Variants in SORL1-AS1 observed in about 807,000 individuals in gnomAD.
SORL1-AS1 encodes lncRNA 51 A.
chr11:121,441,690 T>G, the SORL1-AS1 span, among the ~76,000 whole-genome samples: 1 of 152,054 alleles, frequency 6.6e-6, no homozygotes, highest in East Asian at 1.9e-4. Context: ...GGCTTGAGGA[T>G]GTTCTGGTGA....
downstream of SORL1-AS1, among the ~76,000 whole-genome samples, chr11:121,444,324 G>A (rs1283051383): frequency 6.6e-6 from 1 of 152,156 alleles, no homozygotes; most frequent in African/African-American, 2.4e-5. Flanking sequence ...AGCTAAACAA[G>A]TTTTATGTGC....
At position 121,450,993 on chromosome 11, in the gene SORL1-AS1, A is replaced by G. The variant is rs573617188; in HGVS notation, n.340-1094T>C. On this transcript the variant is annotated intron_variant and non_coding_transcript_variant, in intron 1 of 1. Transcript: ENST00000501964. The surrounding 1 kb of genome is among the most constrained non-coding windows in gnomAD (Gnocchi z 5.2). Reference sequence around the variant, plus strand: ...TTTGCTAAGCTACCTGAAAAGTACTAGAGTGGGCCGGGGTAGGAATCGGGC... The same window carrying G: ...TTTGCTAAGCTACCTGAAAAGTACTGGAGTGGGCCGGGGTAGGAATCGGGC... 8.5e-5 allele frequency among the ~76,000 whole-genome samples: 13 copies of G among 152,244 alleles called. No individual in the cohort carries two copies. The South Asian group carries it at 2.5e-3, about 29-fold the overall frequency.
chr11:121,441,606 A>G, the SORL1-AS1 span, among the ~76,000 whole-genome samples: 1 of 151,822 alleles, frequency 6.6e-6, no homozygotes, highest in Non-Finnish European at 1.5e-5. Flanking sequence ...TATGAGACTA[A>G]GTTCTGGCAA....
At chr11:121,445,440 G>A (rs759249411), downstream of SORL1-AS1, among the ~76,000 whole-genome samples, 5 of 152,134 alleles carry the variant, frequency 3.3e-5, no homozygotes, top group African/African-American at 7.2e-5. Context: ...TGAAAGGGAC[G>A]AGCTGGGCGC....
intron 1 of SORL1-AS1, among the ~76,000 whole-genome samples, chr11:121,451,182 G>A (rs1043096712): frequency 6.6e-6 from 1 of 152,124 alleles, no homozygotes; most frequent in African/African-American, 2.4e-5. Context: ...AGTTCAGAGG[G>A]CAGTGAAACA....
chr11:121,447,134 G>A (rs1298667395), downstream of SORL1-AS1, among the ~76,000 whole-genome samples: 4 of 152,220 alleles, frequency 2.6e-5, no homozygotes, highest in Non-Finnish European at 4.4e-5. Context: ...GCAACCCATT[G>A]TCTTATGTCA....
In SORL1-AS1 at chr11:121,452,496, G is replaced by A; in HGVS notation, n.339+179C>T. The A allele has an allele frequency of 2.0e-6, 3 of 1,481,576 alleles. No individual in the cohort carries two copies. The highest frequency in any genetic ancestry group is 2.7e-6 in the Non-Finnish European group (3 of 1,118,802). 91.8% of individuals were successfully genotyped at this position (1,481,576 alleles called of 1,614,324 possible). On this transcript the variant is annotated intron_variant and non_coding_transcript_variant, in intron 1 of 1. Transcript: ENST00000501964. This position sits in a 1 kb window ranked among gnomAD's most constrained non-coding sequence, Gnocchi z 5.3. ...GCTTCCTCGTGGTGCAGGGCGACCC[G>A]CGCGAGCTGCGGCTGTGGGCGCGCG...
downstream of SORL1-AS1, among the ~76,000 whole-genome samples, chr11:121,446,916 C>G (rs560470470): frequency 5.9e-5 from 9 of 152,286 alleles, no homozygotes; most frequent in East Asian, 1.7e-3. Flanking sequence ...TGGTCACATC[C>G]CCAGGCTCGT....
chr11:121,445,691 T>C (rs543385188), downstream of SORL1-AS1, among the ~76,000 whole-genome samples: 7 of 152,010 alleles, frequency 4.6e-5, 1 homozygote, highest in Admixed American at 3.9e-4. Context: ...CACACACACC[T>C]GAAACCACAG....
In SORL1-AS1 at chr11:121,452,210, C is replaced by T. The variant is rs990473491; in HGVS notation, n.339+465G>A. On this transcript the variant is annotated intron_variant and non_coding_transcript_variant, in intron 1 of 1. Coordinates refer to ENST00000501964, the Ensembl canonical transcript of SORL1-AS1. This position sits in a 1 kb window ranked among gnomAD's most constrained non-coding sequence, Gnocchi z 5.3. ...GCGGGCGCAGCGGGGCGGCCCGGAG[C>T]GGCGCGGGCGGCCTGGAGCCCCGGG... 6.9e-5 allele frequency: 40 copies of T among 580,860 alleles called. No homozygotes were observed. The African/African-American group carries it at 7.9e-4, about 11-fold the overall frequency. 36.0% of individuals were successfully genotyped at this position (580,860 alleles called of 1,614,324 possible).
At chr11:121,442,327 A>G in the SORL1-AS1 span, among the ~76,000 whole-genome samples, 3 of 152,200 alleles carry the variant, frequency 2.0e-5, no homozygotes, top group East Asian at 5.8e-4. Flanking sequence ...GGACACAGGA[A>G]GAGCTAGGGA....
At chr11:121,446,818 C>T (rs1267325893), downstream of SORL1-AS1, among the ~76,000 whole-genome samples, 2 of 151,682 alleles carry the variant, frequency 1.3e-5, no homozygotes, top group African/African-American at 2.4e-5. Flanking sequence ...TGACTGTCTG[C>T]TTTCCCTGTC....
chr11:121,445,725 G>C (rs761241051), downstream of SORL1-AS1, among the ~76,000 whole-genome samples: 8 of 151,754 alleles, frequency 5.3e-5, no homozygotes, highest in Non-Finnish European at 1.0e-4. Context: ...ATTCTCCAGA[G>C]AGTTTGCCTA....
At chr11:121,451,942 G>A (rs142534921) in intron 1 of SORL1-AS1, among the ~76,000 whole-genome samples, 41 of 152,262 alleles carry the variant, frequency 2.7e-4, no homozygotes, top group African/African-American at 8.2e-4. Context: ...ACTAACTCCA[G>A]AGAAAACGAG....
At chr11:121,445,125 CT>C (rs1390005841), downstream of SORL1-AS1, among the ~76,000 whole-genome samples, 1 of 152,186 alleles carries the variant, frequency 6.6e-6, no homozygotes, top group East Asian at 1.9e-4. Context: ...ATTAAAAGCA[CT>C]TGCAGTTTTG....
chr11:121,450,576 C>G lies in SORL1-AS1; in HGVS notation n.340-677G>C, dbSNP rs139912513. Among the ~76,000 whole-genome samples the G allele has an allele frequency of 5.9e-3, 893 of 152,270 alleles. 9 individuals are homozygous for G. The highest frequency in any genetic ancestry group is 0.021 in the African/African-American group (853 of 41,546). ...GCTCTGGGTTGTAAACAAGCTACCA[C>G]TTCCTCAATCCCTCTGAAATAACAT... On this transcript the variant is annotated intron_variant and non_coding_transcript_variant, in intron 1 of 1. Coordinates refer to ENST00000501964, the Ensembl canonical transcript of SORL1-AS1. The surrounding 1 kb of genome is among the most constrained non-coding windows in gnomAD (Gnocchi z 5.2).
chr11:121,438,776 C>T, the SORL1-AS1 span, among the ~76,000 whole-genome samples: 1 of 152,164 alleles, frequency 6.6e-6, no homozygotes, highest in African/African-American at 2.4e-5. Flanking sequence ...GCCTGTAATC[C>T]CAGCACTTTG....
At chr11:121,448,664 C>G (rs890165571) in exon 2 of SORL1-AS1, 3 of 152,154 alleles carry the variant, frequency 2.0e-5, no homozygotes, top group Non-Finnish European at 4.4e-5. Flanking sequence ...TCACTTCTCA[C>G]CTTCATTTAA....
downstream of SORL1-AS1, among the ~76,000 whole-genome samples, chr11:121,442,997 G>GAA (rs1160398589): frequency 9.5e-6 from 1 of 105,750 alleles, no homozygotes; most frequent in Non-Finnish European, 2.1e-5. Context: ...TCTCACAAAA[G>GAA]AAAAAAAAAA....
Sources: gnomAD v4.1 joint callset for allele counts (sites outside exome capture counted in the v4.1 genomes callset) on GRCh38, gnomAD v4.1.1 for gene constraint, Gnocchi (gnomAD v3.1) non-coding constraint, MANE v1.5 for transcripts, NCBI Gene and HGNC (gene_info 2026-07-23, HGNC 2026-07-21) for gene names.